PDE8A: variants seen among roughly 807,000 people sequenced by gnomAD.
The protein encoded by PDE8A is high affinity cAMP-specific and IBMX-insensitive 3',5'-cyclic phosphodiesterase 8A.
A neutral mutation model predicts 105.0 loss-of-function variants in PDE8A; 59 were observed. The ratio of observed to expected loss-of-function variants is 0.56; its 90% CI spans 0.46 to 0.70. The LOEUF is 0.70. Among genes scored for constraint, PDE8A ranks in the 30% least tolerant of loss-of-function variants. PDE8A has a pLI of 0.00. For synonymous variants in PDE8A, 355 were observed against 371.9 expected (o/e 0.95, Z 0.52); for missense variants, 1,014 against 1,045.9 (o/e 0.97, Z 0.42).
chr15:84,999,865 C>T (rs942118183), intron 1 of PDE8A, among the ~76,000 whole-genome samples: 2 of 152,026 alleles, frequency 1.3e-5, no homozygotes, highest in Admixed American at 6.6e-5. Context: ...TGAGCTACTG[C>T]GCCCGGCTGG....
chr15:85,040,501 TA>T (rs1487492731), intron 1 of PDE8A, among the ~76,000 whole-genome samples: 1 of 152,048 alleles, frequency 6.6e-6, no homozygotes, highest in Non-Finnish European at 1.5e-5. Flanking sequence ...CTAGTGTGTT[TA>T]ATGTATGTAG....
intron 2 of PDE8A, among the ~76,000 whole-genome samples, chr15:85,065,636 G>C (rs1236977420): frequency 2.0e-5 from 3 of 152,232 alleles, no homozygotes; most frequent in African/African-American, 7.2e-5. Flanking sequence ...TATGGTCTTT[G>C]TGTAGTTGAG....
At chr15:85,027,899 C>G (rs1279097656) in intron 1 of PDE8A, among the ~76,000 whole-genome samples, 1 of 152,094 alleles carries the variant, frequency 6.6e-6, no homozygotes, top group African/African-American at 2.4e-5. Context: ...GTACACTGTT[C>G]TGAAATCTAC....
At chr15:85,003,437 G>C (rs139064857) in intron 1 of PDE8A, among the ~76,000 whole-genome samples, 1 of 152,130 alleles carries the variant, frequency 6.6e-6, no homozygotes, top group African/African-American at 2.4e-5. Context: ...GCCAGTGGAC[G>C]ACCTCTGCGA....
intron 1 of PDE8A, among the ~76,000 whole-genome samples, chr15:85,032,464 C>T (rs892020892): frequency 6.6e-6 from 1 of 152,124 alleles, no homozygotes; most frequent in Non-Finnish European, 1.5e-5. Context: ...CCTTGGTTAC[C>T]TAGTTTTTAA....
Position 85,095,768 on chromosome 15 carries a change from G to A in PDE8A, c.853-2180G>A, listed in dbSNP as rs545048976. ...CTAAATTGTCCTGCTCCTTTAGATG[G>A]ACTGTGGAACTTTGCCTGGAATGGC... On this transcript the variant is annotated intron_variant, in intron 8 of 21. Coordinates refer to ENST00000394553, the MANE Select transcript of PDE8A (RefSeq NM_002605.3). 1.1e-4 allele frequency among the ~76,000 whole-genome samples: 17 copies of A among 151,996 alleles called. No individual in the cohort carries two copies. The East Asian group carries it at 2.9e-3, about 26-fold the overall frequency.
At chr15:85,083,166 T>C (rs547693632) in intron 5 of PDE8A, among the ~76,000 whole-genome samples, 1 of 152,344 alleles carries the variant, frequency 6.6e-6, no homozygotes, top group East Asian at 1.9e-4. Flanking sequence ...GCGGACCAAA[T>C]ACTGTTGTTG....
At chr15:85,004,435 G>A (rs540062408) in intron 1 of PDE8A, among the ~76,000 whole-genome samples, 254 of 152,258 alleles carry the variant, frequency 1.7e-3, no homozygotes, top group African/African-American at 5.8e-3. Context: ...CTCCCTCACA[G>A]CCCCCCACAG....
chr15:85,068,837 T>G (rs1438854242), intron 3 of PDE8A, among the ~76,000 whole-genome samples: 1 of 152,206 alleles, frequency 6.6e-6, no homozygotes, highest in Non-Finnish European at 1.5e-5. Context: ...CATCTTGTAT[T>G]GTAAAAGAAA....
intron 1 of PDE8A, among the ~76,000 whole-genome samples, chr15:85,051,289 C>T (rs1230918262): frequency 6.6e-6 from 1 of 151,982 alleles, no homozygotes; most frequent in African/African-American, 2.4e-5. Context: ...TTTTCTATTT[C>T]GACTGTCTTT....
At chr15:85,110,544 G>A (rs894394331) in intron 12 of PDE8A, among the ~76,000 whole-genome samples, 1 of 152,142 alleles carries the variant, frequency 6.6e-6, no homozygotes, top group African/African-American at 2.4e-5. Context: ...AATTGGAATC[G>A]TACAGTATGG....
intron 8 of PDE8A, among the ~76,000 whole-genome samples, chr15:85,091,759 C>T (rs2081646954): frequency 6.6e-6 from 1 of 152,140 alleles, no homozygotes; most frequent in African/African-American, 2.4e-5. Flanking sequence ...AAGGAACAGG[C>T]AGAAGAAAGG....
At chr15:85,081,870 C>T (rs1360772843) in intron 5 of PDE8A, among the ~76,000 whole-genome samples, 1 of 152,122 alleles carries the variant, frequency 6.6e-6, no homozygotes, top group Non-Finnish European at 1.5e-5. Context: ...GGATACATAA[C>T]ATTCAGACCA....
intron 1 of PDE8A, among the ~76,000 whole-genome samples, chr15:85,058,599 G>C (rs193222962): frequency 6.6e-6 from 1 of 152,114 alleles, no homozygotes; most frequent in Non-Finnish European, 1.5e-5. Context: ...GATCTATTCA[G>C]GTTTTCTGTT....
At chr15:85,009,110 A>AGTGTGTGT (rs56313426) in intron 1 of PDE8A, among the ~76,000 whole-genome samples, 56 of 64,200 alleles carry the variant, frequency 8.7e-4, no homozygotes, top group South Asian at 4.0e-3. Flanking sequence ...AGAGAGAGAG[A>AGTGTGTGT]GTGTGTGTGT....
chr15:85,126,491 T>TTG, intron 20 of PDE8A, 117 bp downstream of exon 20: 2 of 734,158 alleles, frequency 2.7e-6, no homozygotes, highest in Non-Finnish European at 3.9e-6. Context: ...CTGTCCTTGT[T>TTG]TTGCAAGGTA....
intron 5 of PDE8A, among the ~76,000 whole-genome samples, chr15:85,083,017 C>G (rs1303935700): frequency 1.3e-5 from 2 of 152,254 alleles, no homozygotes; most frequent in Non-Finnish European, 2.9e-5. Context: ...GGAAGATAAT[C>G]CTCTGTCGGC....
chr15:85,039,443 T>C lies in PDE8A; in HGVS notation c.187-24927T>C, dbSNP rs139447615. Among the ~76,000 whole-genome samples the C allele has an allele frequency of 2.7e-3, 406 of 148,566 alleles. 1 individual carries two copies. The highest frequency in any genetic ancestry group is 9.8e-3 in the African/African-American group (394 of 40,408). On this transcript the variant is annotated intron_variant, in intron 1 of 21. Coordinates refer to ENST00000394553, the MANE Select transcript of PDE8A (RefSeq NM_002605.3). ...GATCTTGTCTAAAAAAAAAAAAAGA[T>C]GGAAAATAAACGTTGGTGAGGATGT...
At chr15:85,105,789 T>C (rs1432095966) in intron 11 of PDE8A, among the ~76,000 whole-genome samples, 1 of 152,120 alleles carries the variant, frequency 6.6e-6, no homozygotes, top group African/African-American at 2.4e-5. Context: ...GATGAGTATG[T>C]GTTTTCTGAG....
Sources: gnomAD v4.1 joint callset for allele counts (sites outside exome capture counted in the v4.1 genomes callset) on GRCh38, gnomAD v4.1.1 for gene constraint, MANE v1.5 for transcripts, NCBI Gene and HGNC (gene_info 2026-07-23, HGNC 2026-07-21) for gene names.